The following SEC16A variants were observed in gnomAD, a reference collection of about 807,000 sequenced individuals.
SEC16A encodes the protein protein transport protein Sec16A.
A neutral mutation model predicts 221.9 loss-of-function variants in SEC16A; 110 were observed. The ratio of observed to expected loss-of-function variants is 0.50; its 90% confidence interval spans 0.42 to 0.58. The LOEUF (loss-of-function observed/expected upper bound fraction) is 0.58, where lower values mean the gene tolerates loss of function less well. Ranked by LOEUF, SEC16A falls within the 20% of genes least tolerant of loss-of-function variation. The pLI is 0.00. For missense variants in SEC16A, 3,165 were observed against 3,097.8 expected (o/e 1.02, Z -0.52); for synonymous variants, 1,393 against 1,257.7 (o/e 1.11, Z -2.28).
intron 8 of SEC16A, among the ~76,000 whole-genome samples, chr9:136,465,384 G>C (rs915094551): frequency 2.6e-5 from 4 of 151,298 alleles, no homozygotes; most frequent in African/African-American, 9.7e-5. Context: ...CCGAGATGCA[G>C]AAGTTGCAGT....
chr9:136,467,329 T>C (rs911435201), intron 5 of SEC16A, among the ~76,000 whole-genome samples: 2 of 152,220 alleles, frequency 1.3e-5, no homozygotes, highest in African/African-American at 2.4e-5. Context: ...AAAAATATTT[T>C]TAGAAAAGGT....
chr9:136,451,395 GTCC>G lies in SEC16A; in HGVS notation c.6170_6172del (p.Arg2057del), dbSNP rs1564467386. On this transcript the variant is annotated inframe_deletion, in exon 23 of 32. Transcript: ENST00000684901. ...TGGGGGGGCCTCCGAGTCTGGCACC[GTCC>G]TCGAGGGGGTCTGTCGCAAGGAAAT... The G allele has an allele frequency of 6.2e-7, 1 of 1,605,904 alleles. No individual in the cohort carries two copies. The highest frequency in any genetic ancestry group is 8.5e-7 in the Non-Finnish European group (1 of 1,176,680).
At chr9:136,458,888 T>C (rs1839090477) in intron 17 of SEC16A, among the ~76,000 whole-genome samples, 2 of 152,060 alleles carry the variant, frequency 1.3e-5, no homozygotes, top group African/African-American at 4.8e-5. Flanking sequence ...GGCAACAGAG[T>C]GAGACCCTGT....
In SEC16A at chr9:136,453,451, A is replaced by G; in HGVS notation, c.6136T>C (p.Phe2046Leu). The G allele has an allele frequency of 6.2e-7, 1 of 1,613,236 alleles. No homozygotes were observed. The highest frequency in any genetic ancestry group is 8.5e-7 in the Non-Finnish European group (1 of 1,179,252). The change falls in exon 22 of 32, where the codon TTT (phenylalanine) becomes CTT (leucine). Residue 2046 changes from phenylalanine (F) to leucine (L), a missense_variant. By Grantham distance (22) the Phe-to-Leu change is conservative (BLOSUM62 0). This residue lies in a region of SEC16A where 1,088 missense variants were observed against 1,089.6 expected (regional missense o/e 1.00). Transcript: ENST00000684901. ...ACCAGATTAGCAAATTTTCCATCAAAATTTTCTTCGCTTAGCTCGGAAAGT... is the reference window on the plus strand; with the variant it reads ...ACCAGATTAGCAAATTTTCCATCAAGATTTTCTTCGCTTAGCTCGGAAAGT... The part of the protein sequence containing the change: ...NSLSELSEEN[F>L]DGKFANLTPS...
chr9:136,448,486 A>G, intron 23 of SEC16A: 1 of 694,104 alleles, frequency 1.4e-6, no homozygotes. Flanking sequence ...AGGAGGATGG[A>G]GGTGGGGGGC....
intron 13 of SEC16A, 27 bp from the exon 14 acceptor site, chr9:136,460,150 C>T (rs761911972): frequency 2.6e-6 from 4 of 1,562,956 alleles, no homozygotes; most frequent in East Asian, 2.3e-5. Flanking sequence ...ACAGAAAGAC[C>T]CCATGCTGGC....
At chr9:136,468,313 TG>T in intron 5 of SEC16A, 101 bp downstream of exon 5, 1 of 651,634 alleles carries the variant, frequency 1.5e-6, no homozygotes, top group Non-Finnish European at 2.7e-6. Context: ...GGACATTTCC[TG>T]GAAGTCACCA....
Position 136,459,085 on chromosome 9 carries a change from T to C in SEC16A, c.5409+49A>G, listed in dbSNP as rs777129750. 6.4e-6 allele frequency: 9 copies of C among 1,403,674 alleles called. No individual in the cohort carries two copies. The highest frequency in any genetic ancestry group is 1.4e-5 in the African/African-American group (1 of 69,510). The allele number at this position is 1,403,674 out of a possible 1,614,324, so 87.0% of individuals were successfully genotyped here. A position where few individuals can be genotyped will look rare whatever the true frequency, so the allele number is the denominator to read the frequency against. ...TAAGTAGCCAAAAGCTTGTTAGCAC[T>C]GAGTGCCTGCCCAGCCATGACAGCT... On this transcript the variant is annotated intron_variant, in intron 17 of 31. Coordinates refer to ENST00000684901, the MANE Select transcript of SEC16A (RefSeq NM_014866.2). This position sits in a 1 kb window ranked among gnomAD's most constrained non-coding sequence, Gnocchi z 6.1.
intron 20 of SEC16A, among the ~76,000 whole-genome samples, chr9:136,454,825 G>A (rs1249471760): frequency 2.0e-5 from 3 of 152,244 alleles, no homozygotes; most frequent in East Asian, 1.9e-4. Context: ...AAGAGAAAGC[G>A]CTAAGGACAG....
chr9:136,476,480 C>T lies in SEC16A; in HGVS notation c.1136G>A (p.Gly379Glu), dbSNP rs1343363030. 4 of 1,613,170 alleles carry T rather than the reference C, an allele frequency of 2.5e-6. No individual in the cohort carries two copies. The East Asian group carries it at 6.7e-5, about 27-fold the overall frequency. ...SGALAMFFQG[G>E]ETENEENLSS... ...GAGATTCTCCTCATTTTCTGTCTCT[C>T]CCCCTTGGAAAAACATCGCCAGAGC... The change falls in exon 3 of 32, where the codon GGA (glycine) becomes GAA (glutamate). Residue 379 changes from glycine (G) to glutamate (E), a missense_variant. Around this residue, in one of 3 missense-constraint regions of SEC16A, gnomAD observed 2,030 missense variants for 1,923.1 expected, o/e 1.06. Coordinates refer to ENST00000684901, the MANE Select transcript of SEC16A (RefSeq NM_014866.2).
At chr9:136,467,506 C>CA (rs1840307530) in intron 5 of SEC16A, among the ~76,000 whole-genome samples, 1 of 152,118 alleles carries the variant, frequency 6.6e-6, no homozygotes, top group African/African-American at 2.4e-5. Flanking sequence ...TGTGCCCAGC[C>CA]AGTTCTCTTT....
intron 1 of SEC16A, among the ~76,000 whole-genome samples, chr9:136,481,129 C>CTTTTTTTTTT (rs1000992506): frequency 1.1e-4 from 10 of 87,990 alleles, no homozygotes; most frequent in Admixed American, 1.7e-4. Context: ...GAATTTTATT[C>CTTTTTTTTTT]TTTTTTTTTT....
At chr9:136,448,287 A>G in intron 23 of SEC16A, 126 bp from the exon 24 acceptor site, 2 of 780,364 alleles carry the variant, frequency 2.6e-6, no homozygotes, top group Non-Finnish European at 4.5e-6. Context: ...CCACAGAGAC[A>G]CCAGGAGAAT....
chr9:136,475,996 C>T lies in SEC16A; in HGVS notation c.1620G>A (p.Gln540=). ...HGRLSGSARP[Q]ELVGTFIQQE... ...GCTGAATGAATGTGCCAACCAGCTC[C>T]TGGGGCCTGGCTGAGCCTGAGAGCC... Residue 540 remains glutamine (Q), a synonymous_variant, in exon 3 of 32, where the codon CAG becomes CAA. Coordinates refer to ENST00000684901, the MANE Select transcript of SEC16A (RefSeq NM_014866.2). This position sits in a 1 kb window ranked among gnomAD's most constrained non-coding sequence, Gnocchi z 5.0. 6.2e-7 allele frequency: 1 copy of T among 1,613,548 alleles called. No homozygotes were observed. The highest frequency in any genetic ancestry group is 1.3e-5 in the African/African-American group (1 of 75,052).
chr9:136,474,294 C>T lies in SEC16A; in HGVS notation c.3322G>A (p.Ala1108Thr), dbSNP rs753978395. ...QSPASLVLVDAGQQLPPRPPQ... is the reference protein window; with the variant it reads ...QSPASLVLVDTGQQLPPRPPQ... ...GGCCGAGGGGGCAGCTGCTGACCCG[C>T]GTCGACCAGAACCAGACTTGCTGGT... is the stretch of plus-strand genomic sequence containing the variant. The change falls in exon 3 of 32, where the codon GCG becomes ACG. Residue 1108 changes from alanine (A) to threonine (T), a missense_variant. Around this residue, in one of 3 missense-constraint regions of SEC16A, gnomAD observed 2,030 missense variants for 1,923.1 expected, o/e 1.06. Transcript: ENST00000684901. 16 of 1,608,702 alleles carry T rather than the reference C, an allele frequency of 9.9e-6. No individual in the cohort carries two copies. In the African/African-American group the frequency reaches 1.5e-4, roughly 15 times the overall value.
At chr9:136,443,212 A>G (rs1836447522) in intron 31 of SEC16A, among the ~76,000 whole-genome samples, 1 of 141,528 alleles carries the variant, frequency 7.1e-6, no homozygotes, top group Non-Finnish European at 1.6e-5. Flanking sequence ...ATACAGGAGC[A>G]CGGAGGGCCT....
intron 12 of SEC16A, 48 bp from the exon 13 acceptor site, chr9:136,461,322 C>T (rs191419876): frequency 3.6e-5 from 50 of 1,396,770 alleles, no homozygotes; most frequent in African/African-American, 1.3e-4. Flanking sequence ...GCGGCGCTCA[C>T]GTGACATGAG....
upstream of SEC16A, chr9:136,483,476 CCCGCCCCCCTCCGGCGTCCGT>C (rs1169529390): frequency 1.0e-6 from 1 of 970,598 alleles, no homozygotes; most frequent in Non-Finnish European, 1.2e-6. Flanking sequence ...CGCCCGTGGC[CCCGCCCCCCTCCGGCGTCCGT>C]CTGCCGCCTC....
chr9:136,483,470 C>T (rs1313334166), upstream of SEC16A: 68 of 952,934 alleles, frequency 7.1e-5, no homozygotes, highest in East Asian at 1.2e-4. Flanking sequence ...CTTCCCCGCC[C>T]GTGGCCCCGC....
Sources: allele counts gnomAD v4.1 joint callset (sites outside exome capture counted in the v4.1 genomes callset), GRCh38; gene constraint gnomAD v4.1.1; regional missense constraint gnomAD v4.1.1; non-coding constraint Gnocchi (gnomAD v3.1); transcripts MANE v1.5; gene names NCBI Gene and HGNC (gene_info 2026-07-23, HGNC 2026-07-21).